NALF1: variants seen among roughly 807,000 people sequenced by gnomAD.
NALF1 encodes family with sequence similarity 155 member A.
Under a neutral mutation model 48.4 loss-of-function variants are expected in NALF1, and 3 were observed. The ratio of observed to expected loss-of-function variants is 0.06; its 90% confidence interval spans 0.03 to 0.16. The LOEUF (loss-of-function observed/expected upper bound fraction) is 0.16. Ranked by LOEUF, NALF1 falls within the 10% of genes least tolerant of loss-of-function variation. NALF1 has a pLI of 1.00. For synonymous variants in NALF1, 262 were observed against 245.7 expected (o/e 1.07, Z -0.62); for missense variants, 526 against 571.5 (o/e 0.92, Z 0.81).
intron 1 of NALF1, among the ~76,000 whole-genome samples, chr13:107,359,006 A>G (rs1883012794): frequency 6.6e-6 from 1 of 152,052 alleles, no homozygotes; most frequent in Non-Finnish European, 1.5e-5. Context: ...ATTTTGCCAA[A>G]TCTCCCTTTA....
chr13:107,522,958 G>A (rs1190372767), intron 1 of NALF1, among the ~76,000 whole-genome samples: 1 of 152,004 alleles, frequency 6.6e-6, no homozygotes, highest in Non-Finnish European at 1.5e-5. Context: ...AAAATGACAT[G>A]TTGAAGAAAT....
rs1883182987 is a variant in NALF1 at position 107,368,073 on chromosome 13, C to T, written c.916-157318G>A. On this transcript the variant is annotated intron_variant, in intron 1 of 2. Transcript: ENST00000375915. ...GGTTCTGTGTACTTATTTTTAGGTACATTCCTAAACAGTCATAATTTGGCT... is the reference window on the plus strand; with the variant it reads ...GGTTCTGTGTACTTATTTTTAGGTATATTCCTAAACAGTCATAATTTGGCT... Among the ~76,000 whole-genome samples, 5 of 152,196 alleles carry T rather than the reference C, an allele frequency of 3.3e-5. No homozygotes were observed. The South Asian group carries it at 8.3e-4, about 25-fold the overall frequency.
intron 1 of NALF1, among the ~76,000 whole-genome samples, chr13:107,521,398 T>C (rs1033662111): frequency 6.6e-6 from 1 of 152,226 alleles, no homozygotes; most frequent in Non-Finnish European, 1.5e-5. Context: ...AAAACCTATA[T>C]AGTTTTTCCC....
intron 1 of NALF1, among the ~76,000 whole-genome samples, chr13:107,754,669 C>A (rs901405597): frequency 6.6e-6 from 1 of 152,016 alleles, no homozygotes; most frequent in Non-Finnish European, 1.5e-5. Context: ...GAGAGCATTT[C>A]GGTCCTTCAT....
chr13:107,534,250 C>T (rs1245462151), intron 1 of NALF1, among the ~76,000 whole-genome samples: 1 of 152,000 alleles, frequency 6.6e-6, no homozygotes, highest in Admixed American at 6.6e-5. Flanking sequence ...TTTAGAGCCA[C>T]AAACATGTTT....
chr13:107,642,115 T>C (rs867822479), intron 1 of NALF1, among the ~76,000 whole-genome samples: 53 of 152,132 alleles, frequency 3.5e-4, no homozygotes, highest in African/African-American at 1.3e-3. Flanking sequence ...TGGATTAGAA[T>C]CTGTATCTTA....
intron 1 of NALF1, among the ~76,000 whole-genome samples, chr13:107,475,817 C>T (rs1364778175): frequency 2.0e-5 from 3 of 152,086 alleles, no homozygotes; most frequent in Admixed American, 2.0e-4. Context: ...GAGAGTTGTT[C>T]AACCAATACT....
intron 1 of NALF1, among the ~76,000 whole-genome samples, chr13:107,555,777 G>A (rs1459840521): frequency 6.6e-6 from 1 of 151,700 alleles, no homozygotes; most frequent in Non-Finnish European, 1.5e-5. Flanking sequence ...TCACTATATT[G>A]GGGAAAGCCT....
At chr13:107,454,447 C>T (rs769484815) in intron 1 of NALF1, among the ~76,000 whole-genome samples, 2 of 152,234 alleles carry the variant, frequency 1.3e-5, no homozygotes, top group Middle Eastern at 3.4e-3. Flanking sequence ...GAAAGAGCCC[C>T]TTATAAAACC....
At chr13:107,861,927 C>G (rs1302451746) in intron 1 of NALF1, among the ~76,000 whole-genome samples, 1 of 152,088 alleles carries the variant, frequency 6.6e-6, no homozygotes, top group African/African-American at 2.4e-5. Flanking sequence ...AATGAGAAAG[C>G]CCTGCTATAC....
chr13:107,598,646 T>C (rs1481161253), intron 1 of NALF1, among the ~76,000 whole-genome samples: 1 of 152,180 alleles, frequency 6.6e-6, no homozygotes, highest in Non-Finnish European at 1.5e-5. Context: ...TGGCTAAAAA[T>C]TGCAATCTAT....
intron 1 of NALF1, among the ~76,000 whole-genome samples, chr13:107,357,133 C>G (rs554430407): frequency 6.6e-6 from 1 of 152,020 alleles, no homozygotes; most frequent in Non-Finnish European, 1.5e-5. Context: ...AACAAATACC[C>G]GAGACTGGGT....
intron 1 of NALF1, among the ~76,000 whole-genome samples, chr13:107,442,208 T>C (rs114106819): frequency 8.3e-4 from 127 of 152,218 alleles, no homozygotes; most frequent in African/African-American, 2.9e-3. Flanking sequence ...AGCAAGAGAC[T>C]ATGAGCCTTG....
intron 1 of NALF1, among the ~76,000 whole-genome samples, chr13:107,645,348 C>T (rs988144386): frequency 1.3e-5 from 2 of 152,064 alleles, no homozygotes; most frequent in South Asian, 2.1e-4. Context: ...CCCTGGTAGC[C>T]AGAATAATGT....
chr13:107,619,463 C>T (rs190896781), intron 1 of NALF1, among the ~76,000 whole-genome samples: 6 of 152,222 alleles, frequency 3.9e-5, no homozygotes, highest in Admixed American at 3.3e-4. Context: ...CCCCATGGAA[C>T]CCTGGTAATC....
intron 1 of NALF1, among the ~76,000 whole-genome samples, chr13:107,421,218 T>C (rs553847234): frequency 4.6e-5 from 7 of 152,178 alleles, no homozygotes; most frequent in Non-Finnish European, 5.9e-5. Context: ...TTGGTCTTCG[T>C]AGAGCTCAGA....
At chr13:107,542,972 TATA>T (rs1877036773) in intron 1 of NALF1, among the ~76,000 whole-genome samples, 2 of 152,108 alleles carry the variant, frequency 1.3e-5, no homozygotes, top group Non-Finnish European at 2.9e-5. Flanking sequence ...CCTCACAGTT[TATA>T]ATAATCACTG....
At chr13:107,648,434 T>A (rs2138465409) in intron 1 of NALF1, among the ~76,000 whole-genome samples, 1 of 152,312 alleles carries the variant, frequency 6.6e-6, no homozygotes. Flanking sequence ...AATCATGCAG[T>A]ACATAGCCAT....
intron 1 of NALF1, among the ~76,000 whole-genome samples, chr13:107,639,741 A>G (rs1011753342): frequency 6.6e-6 from 1 of 152,150 alleles, no homozygotes; most frequent in Non-Finnish European, 1.5e-5. Flanking sequence ...GCATGATGCC[A>G]TGCCTGAAAC....
Sources: gnomAD v4.1 joint callset for allele counts (sites outside exome capture counted in the v4.1 genomes callset) on GRCh38, gnomAD v4.1.1 for gene constraint, MANE v1.5 for transcripts, NCBI Gene and HGNC (gene_info 2026-07-23, HGNC 2026-07-21) for gene names.